Variants in SEMA3E observed in about 807,000 individuals in gnomAD.
The protein encoded by SEMA3E is semaphorin 3E, also known as semaphorin-3E.
SEMA3E carries 49 observed loss-of-function variants against 93.6 expected under a neutral mutation model. That is an observed-to-expected ratio of 0.52 (90% CI 0.42 to 0.66). The LOEUF (loss-of-function observed/expected upper bound fraction) is 0.66, where lower values mean the gene tolerates loss of function less well. SEMA3E is among the 30% of genes least tolerant of loss of function. The pLI, the probability that SEMA3E is intolerant of heterozygous loss-of-function variation, is 0.00. For synonymous variants in SEMA3E, 363 were observed against 330.7 expected (o/e 1.10, Z -1.06); for missense variants, 906 against 964.8 (o/e 0.94, Z 0.81).
At chr7:83,473,024 C>A (rs539934076) in intron 2 of SEMA3E, among the ~76,000 whole-genome samples, 3 of 152,286 alleles carry the variant, frequency 2.0e-5, no homozygotes, top group Admixed American at 1.3e-4. Flanking sequence ...GTCAATTAAA[C>A]CTCTTTCCTT....
chr7:83,554,704 C>T (rs759463837), intron 1 of SEMA3E, among the ~76,000 whole-genome samples: 8 of 152,082 alleles, frequency 5.3e-5, no homozygotes, highest in East Asian at 1.9e-4. Flanking sequence ...TCTCTGGGTG[C>T]GGTGGCTCAC....
chr7:83,450,794 G>T (rs1008437232), intron 4 of SEMA3E, among the ~76,000 whole-genome samples: 3 of 152,066 alleles, frequency 2.0e-5, no homozygotes, highest in Admixed American at 2.0e-4. Context: ...TTTCTGTTAT[G>T]CTTAATTTAT....
chr7:83,463,689 G>C (rs1201939702), intron 4 of SEMA3E, among the ~76,000 whole-genome samples: 1 of 152,082 alleles, frequency 6.6e-6, no homozygotes, highest in Non-Finnish European at 1.5e-5. Context: ...ACCAGCAAAG[G>C]CAGGTTATAC....
At chr7:83,553,433 A>T (rs1354536069) in intron 1 of SEMA3E, among the ~76,000 whole-genome samples, 1 of 152,206 alleles carries the variant, frequency 6.6e-6, no homozygotes, top group East Asian at 1.9e-4. Context: ...TTATACATAT[A>T]TACAAACAGA....
intron 1 of SEMA3E, among the ~76,000 whole-genome samples, chr7:83,578,703 T>C (rs1792458670): frequency 1.3e-5 from 2 of 152,184 alleles, no homozygotes; most frequent in African/African-American, 2.4e-5. Flanking sequence ...TATTTTCTTA[T>C]ACTGCACAAC....
intron 14 of SEMA3E, among the ~76,000 whole-genome samples, chr7:83,388,196 C>T (rs935639497): frequency 6.7e-6 from 1 of 148,512 alleles, no homozygotes; most frequent in Non-Finnish European, 1.5e-5. Context: ...GTAGTCCCAG[C>T]TACTCAGGAG....
At chr7:83,606,233 G>T (rs190938513) in intron 1 of SEMA3E, among the ~76,000 whole-genome samples, 201 of 152,224 alleles carry the variant, frequency 1.3e-3, no homozygotes, top group African/African-American at 4.8e-3. Flanking sequence ...AGTAGTTAAT[G>T]GTTCTTTCTG....
At chr7:83,457,793 G>A (rs1789519546) in intron 4 of SEMA3E, among the ~76,000 whole-genome samples, 1 of 152,094 alleles carries the variant, frequency 6.6e-6, no homozygotes, top group African/African-American at 2.4e-5. Context: ...CCAATGTGTA[G>A]TATTAAAATC....
At chr7:83,460,460 G>A (rs1434512897) in intron 4 of SEMA3E, among the ~76,000 whole-genome samples, 1 of 151,982 alleles carries the variant, frequency 6.6e-6, no homozygotes, top group Non-Finnish European at 1.5e-5. Context: ...TTCCCTTGGT[G>A]TTTAATCATT....
At chr7:83,437,585 A>C (rs1040876636) in intron 4 of SEMA3E, among the ~76,000 whole-genome samples, 3 of 152,166 alleles carry the variant, frequency 2.0e-5, no homozygotes, top group Non-Finnish European at 4.4e-5. Context: ...GGAAAAGAAC[A>C]GTCCAGAGAG....
intron 16 of SEMA3E, among the ~76,000 whole-genome samples, chr7:83,380,202 C>A (rs1787750493): frequency 6.6e-6 from 1 of 151,764 alleles, no homozygotes; most frequent in Admixed American, 6.6e-5. Context: ...TCTTTTTTCT[C>A]AAATATGAAA....
chr7:83,533,591 T>G (rs1791350037), intron 1 of SEMA3E, among the ~76,000 whole-genome samples: 1 of 25,192 alleles, frequency 4.0e-5, no homozygotes, highest in African/African-American at 6.9e-5. Context: ...TAAAATAAAA[T>G]AAAATAAATG....
intron 4 of SEMA3E, among the ~76,000 whole-genome samples, chr7:83,421,809 C>T (rs1788673159): frequency 9.9e-6 from 1 of 100,884 alleles, no homozygotes; most frequent in Admixed American, 9.3e-5. Flanking sequence ...CCTGATCCTG[C>T]CGTTTTGAAA....
At position 83,551,787 on chromosome 7, in the gene SEMA3E, T is replaced by G. The variant is rs563332154; in HGVS notation, c.116-61513A>C. Among the ~76,000 whole-genome samples the G allele has an allele frequency of 2.0e-4, 30 of 152,222 alleles. 1 individual carries two copies. In the South Asian group the frequency reaches 5.8e-3, roughly 29 times the overall value. The stretch of plus-strand genomic sequence containing the variant: ...TGACATTTTGGCTCAGATAATTTTT[T>G]GGGGTGTGGGGCTATCTTGTGCTTT... On this transcript the variant is annotated intron_variant, in intron 1 of 16. Transcript: ENST00000643230.
intron 4 of SEMA3E, among the ~76,000 whole-genome samples, chr7:83,445,416 G>A (rs151023815): frequency 6.6e-5 from 10 of 152,264 alleles, no homozygotes; most frequent in East Asian, 3.9e-4. Context: ...ACAAAGAGAT[G>A]TCATCAAGAG....
intron 1 of SEMA3E, among the ~76,000 whole-genome samples, chr7:83,589,363 T>A (rs1233586572): frequency 6.6e-6 from 1 of 152,178 alleles, no homozygotes; most frequent in Non-Finnish European, 1.5e-5. Flanking sequence ...ATCTATGAGA[T>A]TAAAAATTAA....
At chr7:83,419,910 G>C (rs1014398406) in intron 4 of SEMA3E, among the ~76,000 whole-genome samples, 1 of 152,038 alleles carries the variant, frequency 6.6e-6, no homozygotes, top group African/African-American at 2.4e-5. Context: ...ACAAGAAAAA[G>C]ACAAGGATGC....
chr7:83,612,486 A>G (rs910398708), intron 1 of SEMA3E: 5 of 152,156 alleles, frequency 3.3e-5, no homozygotes, highest in Non-Finnish European at 7.4e-5. Context: ...ACAAATGAAG[A>G]ACTGAAACTT....
intron 4 of SEMA3E, among the ~76,000 whole-genome samples, chr7:83,446,594 G>A (rs1789235564): frequency 6.6e-6 from 1 of 152,162 alleles, no homozygotes; most frequent in Admixed American, 6.5e-5. Flanking sequence ...AGCAGTGGAA[G>A]GTATAGATTC....
Sources: allele counts gnomAD v4.1 joint callset (sites outside exome capture counted in the v4.1 genomes callset), GRCh38; gene constraint gnomAD v4.1.1; transcripts MANE v1.5; gene names NCBI Gene and HGNC (gene_info 2026-07-23, HGNC 2026-07-21).